SGK2: variants seen among roughly 807,000 people sequenced by gnomAD.
SGK2 encodes the protein serine/threonine-protein kinase Sgk2.
SGK2 carries 36 observed loss-of-function variants against 47.5 expected under a neutral mutation model. That is an observed-to-expected ratio of 0.76 (90% CI 0.58 to 1.00). The LOEUF is 1.00. SGK2 is among the 50% of genes least tolerant of loss of function. The pLI, the probability that SGK2 is intolerant of heterozygous loss-of-function variation, is 0.00. For missense variants in SGK2, 404 were observed against 467.4 expected, an observed-to-expected ratio of 0.86 and a Z score of 1.25; for synonymous variants, 157 against 181.9, an observed-to-expected ratio of 0.86 and a Z score of 1.10.
intron 9 of SGK2, among the ~76,000 whole-genome samples, chr20:43,573,226 C>T (rs1980249402): frequency 1.3e-5 from 2 of 152,220 alleles, no homozygotes; most frequent in Non-Finnish European, 2.9e-5. Context: ...TGGTGGCTCA[C>T]GCCTGTAATC....
intron 10 of SGK2, 133 bp downstream of exon 10, chr20:43,575,137 A>T: frequency 1.6e-6 from 1 of 626,910 alleles, no homozygotes; most frequent in Non-Finnish European, 2.9e-6. Context: ...GATAACGCCA[A>T]GGTGAATATG....
chr20:43,569,302 C>G, intron 5 of SGK2, 83 bp from the exon 6 acceptor site: 1 of 1,549,998 alleles, frequency 6.5e-7, no homozygotes, highest in East Asian at 2.3e-5. Flanking sequence ...ATGACCCCCA[C>G]CCACAAGCTT....
In SGK2 at chr20:43,567,224, T is replaced by C. The variant is rs917627062; in HGVS notation, c.86+107T>C. The C allele has an allele frequency of 1.8e-5, 16 of 904,360 alleles. No individual in the cohort carries two copies. In the Admixed American group the frequency reaches 2.1e-4, roughly 12 times the overall value. The allele number at this position is 904,360 out of a possible 1,614,324, so 56.0% of individuals were successfully genotyped here. A position where few individuals can be genotyped will look rare whatever the true frequency, so the allele number is the denominator to read the frequency against. On this transcript the variant is annotated intron_variant, in intron 3 of 12. Coordinates refer to ENST00000373100, the MANE Select transcript of SGK2 (RefSeq NM_170693.3). ...TTCTCTGGTCTAGCATTCAAGACTG[T>C]CTGCCATCTGGGCCCAGGACCTTTC...
chr20:43,565,487 G>C (rs1044384846), intron 1 of SGK2, among the ~76,000 whole-genome samples: 2 of 152,280 alleles, frequency 1.3e-5, no homozygotes, highest in Admixed American at 1.3e-4. Context: ...CTGGGCTGGG[G>C]GATCCTCTCA....
At chr20:43,584,065 C>T (rs1434094513) in intron 12 of SGK2, among the ~76,000 whole-genome samples, 3 of 151,980 alleles carry the variant, frequency 2.0e-5, no homozygotes, top group East Asian at 1.9e-4. Context: ...GGTCAGCTAG[C>T]GGGACAGTTG....
chr20:43,583,973 A>T (rs4560183), intron 12 of SGK2, among the ~76,000 whole-genome samples: 112,216 of 152,008 alleles, frequency 0.74, 41,856 homozygotes, highest in East Asian at 0.8. Flanking sequence ...TCTTAAAAAA[A>T]ATTATTTTGT....
At chr20:43,561,616 T>C (rs531213176) in intron 1 of SGK2, among the ~76,000 whole-genome samples, 1 of 152,140 alleles carries the variant, frequency 6.6e-6, no homozygotes, top group South Asian at 2.1e-4. Context: ...TTTCGATCTC[T>C]GACCTCATGA....
chr20:43,570,511 G>A, intron 6 of SGK2, 106 bp from the exon 7 acceptor site: 1 of 691,914 alleles, frequency 1.4e-6, no homozygotes, highest in Non-Finnish European at 2.5e-6. Flanking sequence ...GAATGCTGCA[G>A]GTCAGAGAGG....
At chr20:43,562,179 C>T (rs911627838) in intron 1 of SGK2, among the ~76,000 whole-genome samples, 5 of 150,070 alleles carry the variant, frequency 3.3e-5, no homozygotes, top group South Asian at 2.1e-4. Flanking sequence ...TTTGGGAGGC[C>T]GAGGCAGGAG....
At chr20:43,565,563 T>A (rs1301953839) in intron 1 of SGK2, among the ~76,000 whole-genome samples, 21 of 152,146 alleles carry the variant, frequency 1.4e-4, no homozygotes, top group Admixed American at 1.4e-3. Flanking sequence ...CCCCCCCTTG[T>A]AAAGATAGGA....
At position 43,579,948 on chromosome 20, in the gene SGK2, AC is replaced by A. The variant is rs542053971; in HGVS notation, c.850-22del. On this transcript the variant is annotated intron_variant, in intron 11 of 12. Transcript: ENST00000373100. ...ATGGGGAGGGCTACTTCTAACCAGA[AC>A]CTTTTTTCTGCACTTCCTGCAGCTT... 4.8e-3 allele frequency: 7,553 copies of A among 1,574,120 alleles called. 34 individuals are homozygous for A. Among genetic ancestry groups the A allele is most frequent in the Non-Finnish European group, 6.3e-3 (7,150 of 1,143,762 alleles).
intron 12 of SGK2, chr20:43,583,128 C>A: frequency 8.2e-7 from 1 of 1,219,302 alleles, no homozygotes; most frequent in Non-Finnish European, 1.1e-6. Flanking sequence ...ATTTACATTT[C>A]TCATTTGTTT....
chr20:43,564,887 C>G (rs1402489508), intron 1 of SGK2: 1 of 152,912 alleles, frequency 6.5e-6, no homozygotes, highest in Non-Finnish European at 1.5e-5. Context: ...AAATACACAG[C>G]CACAGACAGA....
At chr20:43,559,586 A>G (rs2145522056) in intron 1 of SGK2, among the ~76,000 whole-genome samples, 1 of 152,254 alleles carries the variant, frequency 6.6e-6, no homozygotes, top group African/African-American at 2.4e-5. Flanking sequence ...ATAGTTCCTA[A>G]CCCGTGGGGT....
chr20:43,568,446 G>A (rs1979882481), intron 5 of SGK2, among the ~76,000 whole-genome samples: 1 of 152,106 alleles, frequency 6.6e-6, no homozygotes, highest in African/African-American at 2.4e-5. Flanking sequence ...AAAGTGCTGG[G>A]GTTAGAGGCA....
At position 43,570,719 on chromosome 20, in the gene SGK2, A is replaced by T. The variant is rs886678200; in HGVS notation, c.463A>T (p.Ile155Phe). The change falls in exon 7 of 13, where the codon ATC becomes TTC. Residue 155 changes from isoleucine to phenylalanine, a missense_variant. Coordinates refer to ENST00000373100, the MANE Select transcript of SGK2 (RefSeq NM_170693.3). ...SAIGYLHSLN[I>F]IYRDLKPENI... The stretch of plus-strand genomic sequence containing the variant: ...CATTGGCTACCTGCACTCCCTCAAC[A>T]TCATTTACAGGTGAGGCCTGCCTGT... 4 of 1,610,482 alleles carry T rather than the reference A, an allele frequency of 2.5e-6. No homozygotes were observed. Among genetic ancestry groups the T allele is most frequent in the Non-Finnish European group, 3.4e-6 (4 of 1,176,854 alleles).
intron 12 of SGK2, chr20:43,583,665 T>A (rs1306512407): frequency 1.0e-6 from 1 of 963,804 alleles, no homozygotes; most frequent in African/African-American, 1.8e-5. Context: ...CAAAGCTAGG[T>A]GGCTTAAAAC....
intron 8 of SGK2, among the ~76,000 whole-genome samples, chr20:43,571,545 G>A (rs559218100): frequency 6.6e-6 from 1 of 152,292 alleles, no homozygotes; most frequent in East Asian, 1.9e-4. Flanking sequence ...GTCCCAAAAT[G>A]AGACAAAGAG....
In SGK2 at chr20:43,585,069, C is replaced by T; in HGVS notation, c.*53C>T. On this transcript the variant is annotated 3_prime_UTR_variant, in exon 13 of 13. Coordinates refer to ENST00000373100, the MANE Select transcript of SGK2 (RefSeq NM_170693.3). ...GCCAGCTGGTATTAGTAAGGAATTACCTTCAGCTGCTAGGAAGAGCGACTC... is the reference window on the plus strand; with the variant it reads ...GCCAGCTGGTATTAGTAAGGAATTATCTTCAGCTGCTAGGAAGAGCGACTC... 1 of 1,525,192 alleles carries T rather than the reference C, an allele frequency of 6.6e-7. No homozygotes were observed. Among genetic ancestry groups the T allele is most frequent in the Non-Finnish European group, 8.9e-7 (1 of 1,117,902 alleles). 94.5% of individuals were successfully genotyped at this position (1,525,192 alleles called of 1,614,324 possible). A position where few individuals can be genotyped will look rare whatever the true frequency, so the allele number is the denominator to read the frequency against.
Sources: gnomAD v4.1 joint callset for allele counts (sites outside exome capture counted in the v4.1 genomes callset) on GRCh38, gnomAD v4.1.1 for gene constraint, MANE v1.5 for transcripts, NCBI Gene and HGNC (gene_info 2026-07-23, HGNC 2026-07-21) for gene names.